Variants in ARHGAP39 observed in about 807,000 individuals in gnomAD.
ARHGAP39 encodes Rho GTPase activating protein 39.
In ARHGAP39, 44 loss-of-function variants were observed where a neutral mutation model predicts 106.9. That is an observed-to-expected ratio of 0.41 (90% confidence interval 0.32 to 0.53). The LOEUF (loss-of-function observed/expected upper bound fraction) is 0.53, where lower values mean the gene tolerates loss of function less well. ARHGAP39 is among the 20% of genes least tolerant of loss of function. ARHGAP39 has a pLI of 0.21. For synonymous variants in ARHGAP39, 768 were observed against 693.2 expected, an observed-to-expected ratio of 1.11 and a Z score of -1.69; for missense variants, 1,496 against 1,577.3, an observed-to-expected ratio of 0.95 and a Z score of 0.87.
At chr8:144,691,871 A>C in the ARHGAP39 span, among the ~76,000 whole-genome samples, 2 of 151,638 alleles carry the variant, frequency 1.3e-5, no homozygotes, top group African/African-American at 4.9e-5. Context: ...GGTGGCGGGG[A>C]GGGGACAAGA....
chr8:144,630,663 C>T (rs568531126), intron 1 of ARHGAP39, among the ~76,000 whole-genome samples: 21 of 152,336 alleles, frequency 1.4e-4, no homozygotes, highest in Admixed American at 4.6e-4. Flanking sequence ...CCCCATGTGA[C>T]AGTGTTAAGA....
chr8:144,530,484 TCTC>T lies in ARHGAP39; in HGVS notation c.3280_3282del (p.Glu1094del). 1 of 1,611,700 alleles carries T rather than the reference TCTC, an allele frequency of 6.2e-7. No individual in the cohort carries two copies. On this transcript the variant is annotated inframe_deletion, in exon 12 of 12. Coordinates refer to ENST00000377307, the MANE Select transcript of ARHGAP39 (RefSeq NM_025251.3). ...TGGATGAGCACCCGCAGGAAGGACATCTCCTTGCGGGTGTTCTCGAAGATGACG... is the reference window on the plus strand; with the variant it reads ...TGGATGAGCACCCGCAGGAAGGACATCTTGCGGGTGTTCTCGAAGATGACG...
At chr8:144,695,619 C>T in the ARHGAP39 span, among the ~76,000 whole-genome samples, 1 of 152,130 alleles carries the variant, frequency 6.6e-6, no homozygotes, top group Non-Finnish European at 1.5e-5. Flanking sequence ...AAAGTTCTCT[C>T]GGCCTTGAAG....
intron 1 of ARHGAP39, among the ~76,000 whole-genome samples, chr8:144,606,257 C>T (rs1304465930): frequency 2.0e-5 from 3 of 152,198 alleles, no homozygotes; most frequent in East Asian, 1.9e-4. Context: ...GGTGTACAGT[C>T]CATCCTTGAA....
At position 144,662,014 on chromosome 8, in the gene ARHGAP39, C is replaced by G. The variant is rs139175446; in HGVS notation, c.-82+23672G>C. ...CCACCTTGGGCCTCTTCCCTCATCCCCATTATCCACCTTGGACCGTTCCCC... is the reference window on the plus strand; with the variant it reads ...CCACCTTGGGCCTCTTCCCTCATCCGCATTATCCACCTTGGACCGTTCCCC... On this transcript the variant is annotated intron_variant, in intron 1 of 11. Coordinates refer to ENST00000377307, the MANE Select transcript of ARHGAP39 (RefSeq NM_025251.3). Among the ~76,000 whole-genome samples the G allele has an allele frequency of 7.3e-5, 11 of 151,656 alleles. No individual in the cohort carries two copies. In the East Asian group the frequency reaches 2.0e-3, roughly 27 times the overall value.
chr8:144,554,185 A>C (rs941023229), intron 4 of ARHGAP39, among the ~76,000 whole-genome samples: 1 of 152,184 alleles, frequency 6.6e-6, no homozygotes, highest in Non-Finnish European at 1.5e-5. Flanking sequence ...ACCTTCGTGG[A>C]GACCAGGACC....
At chr8:144,648,702 T>G (rs987660333) in intron 1 of ARHGAP39, among the ~76,000 whole-genome samples, 2 of 152,172 alleles carry the variant, frequency 1.3e-5, no homozygotes, top group Admixed American at 6.5e-5. Context: ...AATGAATCTC[T>G]TGAGGAACTT....
chr8:144,643,984 C>T (rs1025302659), intron 1 of ARHGAP39, among the ~76,000 whole-genome samples: 2 of 152,152 alleles, frequency 1.3e-5, no homozygotes, highest in African/African-American at 2.4e-5. Flanking sequence ...CAAGAGCCCT[C>T]GTACACTGCA....
chr8:144,699,433 G>T, the ARHGAP39 span, among the ~76,000 whole-genome samples: 1 of 111,152 alleles, frequency 9.0e-6, no homozygotes, highest in African/African-American at 3.6e-5. Context: ...AGGGTCATAG[G>T]TTGGGGCCTT....
intron 1 of ARHGAP39, among the ~76,000 whole-genome samples, chr8:144,682,340 G>A (rs1822446322): frequency 6.6e-6 from 1 of 150,556 alleles, no homozygotes; most frequent in African/African-American, 2.4e-5. Flanking sequence ...ACGAGGTCAG[G>A]AGATCGAGAC....
intron 3 of ARHGAP39, among the ~76,000 whole-genome samples, chr8:144,569,142 C>T (rs1818501758): frequency 6.6e-6 from 1 of 152,116 alleles, no homozygotes; most frequent in Non-Finnish European, 1.5e-5. Flanking sequence ...TAACATGAAT[C>T]AAATTAATAT....
At chr8:144,539,114 A>G (rs1362123870) in intron 6 of ARHGAP39, among the ~76,000 whole-genome samples, 1 of 152,194 alleles carries the variant, frequency 6.6e-6, no homozygotes, top group African/African-American at 2.4e-5. Flanking sequence ...AATGGTATTT[A>G]GAAACCAAGA....
At chr8:144,652,404 A>T (rs1821595308) in intron 1 of ARHGAP39, among the ~76,000 whole-genome samples, 1 of 152,216 alleles carries the variant, frequency 6.6e-6, no homozygotes, top group South Asian at 2.1e-4. Flanking sequence ...CAATTCCATT[A>T]TTGGGTATAC....
chr8:144,684,304 C>G lies in ARHGAP39; in HGVS notation c.-82+1382G>C, dbSNP rs1259546391. 1.3e-5 allele frequency among the ~76,000 whole-genome samples: 2 copies of G among 152,248 alleles called. No individual in the cohort carries two copies. The highest frequency in any genetic ancestry group is 1.3e-4 in the Admixed American group (2 of 15,290). ...CCTCCTATCAAATCGCCTTTCCCTC[C>G]CCCGGCGCGAGAATCGCACCTTGCT... On this transcript the variant is annotated intron_variant, in intron 1 of 11. Transcript: ENST00000377307. The surrounding 1 kb of genome is among the most constrained non-coding windows in gnomAD (Gnocchi z 4.4).
At chr8:144,600,642 G>C (rs756057480) in intron 2 of ARHGAP39, among the ~76,000 whole-genome samples, 1 of 149,838 alleles carries the variant, frequency 6.7e-6, no homozygotes, top group Non-Finnish European at 1.5e-5. Context: ...ACCTACCTGC[G>C]TGTGCATGGA....
intron 1 of ARHGAP39, among the ~76,000 whole-genome samples, chr8:144,610,696 T>C (rs1417961299): frequency 6.6e-6 from 1 of 151,290 alleles, no homozygotes; most frequent in Non-Finnish European, 1.5e-5. Flanking sequence ...TGGGCGACAG[T>C]GAGAGACTCC....
At chr8:144,677,555 AC>A (rs779060675) in intron 1 of ARHGAP39, among the ~76,000 whole-genome samples, 2 of 152,152 alleles carry the variant, frequency 1.3e-5, no homozygotes, top group Non-Finnish European at 2.9e-5. Context: ...ATTCCACAGC[AC>A]CTCCATACAG....
intron 7 of ARHGAP39, among the ~76,000 whole-genome samples, chr8:144,536,280 G>A (rs1816950446): frequency 6.6e-6 from 1 of 152,124 alleles, no homozygotes. Flanking sequence ...CTGCTCGGGG[G>A]CCAGGCCTGC....
intron 2 of ARHGAP39, among the ~76,000 whole-genome samples, chr8:144,596,850 C>T (rs895963669): frequency 6.6e-6 from 1 of 152,236 alleles, no homozygotes; most frequent in Non-Finnish European, 1.5e-5. Context: ...AAGGGTACCA[C>T]ACCCCTAAGC....
Sources: gnomAD v4.1 joint callset for allele counts (sites outside exome capture counted in the v4.1 genomes callset) on GRCh38, gnomAD v4.1.1 for gene constraint, Gnocchi (gnomAD v3.1) non-coding constraint, MANE v1.5 for transcripts, NCBI Gene and HGNC (gene_info 2026-07-23, HGNC 2026-07-21) for gene names.